The following ADGRB3 variants were observed in gnomAD, a reference collection of about 807,000 sequenced individuals.
ADGRB3 encodes adhesion G protein-coupled receptor B3, also known as brain-specific angiogenesis inhibitor 3.
Under a neutral mutation model 193.4 loss-of-function variants are expected in ADGRB3, and 37 were observed. The ratio of observed to expected loss-of-function variants is 0.19; its 90% CI spans 0.15 to 0.25. ADGRB3 has a LOEUF of 0.25. Among genes scored for constraint, ADGRB3 ranks in the 10% least tolerant of loss-of-function variants. The pLI, the probability that ADGRB3 is intolerant of heterozygous loss-of-function variation, is 1.00. For synonymous variants in ADGRB3, 690 were observed against 644.2 expected (o/e 1.07, Z -1.08); for missense variants, 1,637 against 1,852.9 (o/e 0.88, Z 2.14).
intron 17 of ADGRB3, among the ~76,000 whole-genome samples, chr6:69,104,157 G>A (rs1454863796): frequency 6.6e-6 from 1 of 151,140 alleles, no homozygotes; most frequent in African/African-American, 2.4e-5. Flanking sequence ...TCTAGCATTA[G>A]GTGTATCTCC....
chr6:69,261,903 ATAT>A (rs1183959762), intron 20 of ADGRB3, among the ~76,000 whole-genome samples: 1 of 152,060 alleles, frequency 6.6e-6, no homozygotes, highest in Non-Finnish European at 1.5e-5. Flanking sequence ...GGTTTATATA[ATAT>A]TTTGTAAAAT....
At chr6:69,298,107 A>G (rs1442427864) in intron 20 of ADGRB3, among the ~76,000 whole-genome samples, 5 of 152,092 alleles carry the variant, frequency 3.3e-5, no homozygotes, top group Admixed American at 3.3e-4. Context: ...CTTGTTAAAG[A>G]TGGCAAGGAA....
chr6:69,094,588 G>A (rs149966299), intron 17 of ADGRB3, among the ~76,000 whole-genome samples: 13 of 152,252 alleles, frequency 8.5e-5, no homozygotes, highest in East Asian at 1.9e-4. Context: ...ATGTCATACC[G>A]TGTTTACAAT....
intron 4 of ADGRB3, among the ~76,000 whole-genome samples, chr6:68,935,114 A>G (rs968468788): frequency 6.6e-6 from 1 of 152,184 alleles, no homozygotes; most frequent in Non-Finnish European, 1.5e-5. Flanking sequence ...GGTACTACTC[A>G]AAGTGTGGTT....
intron 17 of ADGRB3, among the ~76,000 whole-genome samples, chr6:69,175,497 T>C (rs1299169773): frequency 6.6e-6 from 1 of 152,202 alleles, no homozygotes; most frequent in East Asian, 1.9e-4. Flanking sequence ...CATTGGTGTA[T>C]GTGTCTGTTT....
chr6:69,373,320 T>C (rs1769745085), intron 30 of ADGRB3, among the ~76,000 whole-genome samples: 1 of 152,050 alleles, frequency 6.6e-6, no homozygotes, highest in Admixed American at 6.6e-5. Context: ...TTCAGTCGTT[T>C]CATTTATGTA....
At position 68,968,809 on chromosome 6, in the gene ADGRB3, G is replaced by T. The variant is rs550251382; in HGVS notation, c.1526-5954G>T. ...CTTTTAGTATTCTATAATAGTTTTT[G>T]GTTGGCATTTATAGAAACATGAATA... On this transcript the variant is annotated intron_variant, in intron 8 of 31. Coordinates refer to ENST00000370598, the MANE Select transcript of ADGRB3 (RefSeq NM_001704.3). Among the ~76,000 whole-genome samples, 6 of 151,888 alleles carry T rather than the reference G, an allele frequency of 4.0e-5. No individual in the cohort carries two copies. In the South Asian group the frequency reaches 1.3e-3, roughly 32 times the overall value.
intron 3 of ADGRB3, among the ~76,000 whole-genome samples, chr6:68,826,526 G>C (rs1048527197): frequency 2.6e-5 from 4 of 152,206 alleles, no homozygotes; most frequent in Non-Finnish European, 4.4e-5. Context: ...TTTACTCCAA[G>C]TGGAACTGGA....
intron 17 of ADGRB3, among the ~76,000 whole-genome samples, chr6:69,080,593 A>G (rs1463471441): frequency 1.3e-5 from 2 of 151,988 alleles, no homozygotes; most frequent in African/African-American, 4.8e-5. Context: ...GTTTGGAGAG[A>G]AATGTGGAAA....
Position 68,836,624 on chromosome 6 carries a change from G to A in ADGRB3, c.758-93935G>A, listed in dbSNP as rs144360401. 3.2e-3 allele frequency among the ~76,000 whole-genome samples: 493 copies of A among 152,168 alleles called. 1 individual carries two copies. The highest frequency in any genetic ancestry group is 5.6e-3 in the Non-Finnish European group (380 of 67,998). On this transcript the variant is annotated intron_variant, in intron 3 of 31. Transcript: ENST00000370598. ...GATGTTTAATCTGGTATGGAAAAAC[G>A]GCATTGCCCTGTTCATTGTAGAGAG...
chr6:68,829,393 C>T (rs1266853689), intron 3 of ADGRB3, among the ~76,000 whole-genome samples: 1 of 152,008 alleles, frequency 6.6e-6, no homozygotes, highest in Non-Finnish European at 1.5e-5. Flanking sequence ...TGAGCCACCG[C>T]ACCCAGGCAT....
At chr6:69,070,790 A>G (rs1772056263) in intron 16 of ADGRB3, among the ~76,000 whole-genome samples, 1 of 152,224 alleles carries the variant, frequency 6.6e-6, no homozygotes, top group African/African-American at 2.4e-5. Context: ...TTAATATATC[A>G]AGAGTGTGAT....
intron 17 of ADGRB3, among the ~76,000 whole-genome samples, chr6:69,105,690 A>G (rs922758174): frequency 1.3e-5 from 2 of 152,182 alleles, no homozygotes; most frequent in African/African-American, 4.8e-5. Flanking sequence ...TAATGCAGTT[A>G]CTAGTTTTAT....
At position 69,049,328 on chromosome 6, in the gene ADGRB3, T is replaced by A; in HGVS notation, c.2315T>A (p.Leu772Gln). Residue 772 changes from leucine (L) to glutamine (Q), a missense_variant, in exon 15 of 32, where the codon CTA becomes CAA. Transcript: ENST00000370598. ...LGAVLYKNLD[L>Q]ILPTLRNYTV... The stretch of plus-strand genomic sequence containing the variant: ...GCAGTCCTATACAAAAACTTAGATC[T>A]AATTTTGCCCACTTTGAGGTAAGCT... 1 of 1,608,216 alleles carries A rather than the reference T, an allele frequency of 6.2e-7. No homozygotes were observed. Among genetic ancestry groups the A allele is most frequent in the Non-Finnish European group, 8.5e-7 (1 of 1,176,536 alleles).
chr6:68,937,885 A>G (rs1649919598), intron 5 of ADGRB3, among the ~76,000 whole-genome samples: 1 of 152,218 alleles, frequency 6.6e-6, no homozygotes, highest in Non-Finnish European at 1.5e-5. Context: ...TAAGCTGTAC[A>G]CTAAAAATTG....
chr6:68,792,709 G>A (rs1229316448), intron 3 of ADGRB3, among the ~76,000 whole-genome samples: 2 of 152,188 alleles, frequency 1.3e-5, no homozygotes, highest in East Asian at 1.9e-4. Context: ...TTTAATATAC[G>A]GAGTCTAAAT....
rs1767493648 is a variant in ADGRB3, at chr6:68,936,692, A to T, written c.1030+12A>T. On this transcript the variant is annotated intron_variant, in intron 5 of 31. Transcript: ENST00000370598. ...TGCCCTCTGTCCAGGTAGTGTTAGC[A>T]GCAACTACAACTGTGGATGTTATTG... is the stretch of plus-strand genomic sequence containing the variant. 1 of 1,608,142 alleles carries T rather than the reference A, an allele frequency of 6.2e-7. No homozygotes were observed.
intron 3 of ADGRB3, among the ~76,000 whole-genome samples, chr6:68,662,360 T>C (rs1011193595): frequency 6.6e-6 from 1 of 151,514 alleles, no homozygotes; most frequent in Non-Finnish European, 1.5e-5. Context: ...AGAAAAATAA[T>C]CTAAGATAAA....
chr6:68,998,101 T>C (rs914075120), intron 11 of ADGRB3, among the ~76,000 whole-genome samples: 5 of 152,332 alleles, frequency 3.3e-5, no homozygotes, highest in Admixed American at 1.3e-4. Context: ...CTTCTTTCAT[T>C]GCTTTAACAT....
Sources: gnomAD v4.1 joint callset for allele counts (sites outside exome capture counted in the v4.1 genomes callset) on GRCh38, gnomAD v4.1.1 for gene constraint, MANE v1.5 for transcripts, NCBI Gene and HGNC (gene_info 2026-07-23, HGNC 2026-07-21) for gene names.